Variants in COL19A1 observed in about 807,000 individuals in gnomAD.
COL19A1 encodes the protein collagen type XIX alpha 1 chain.
In COL19A1, 159 loss-of-function variants were observed where a neutral mutation model predicts 190.2. The observed-to-expected ratio is 0.84, with a 90% CI of 0.73 to 0.95. The LOEUF is 0.95. Ranked by LOEUF, COL19A1 falls within the 40% of genes least tolerant of loss-of-function variation. The pLI is 0.00. For synonymous variants in COL19A1, 509 were observed against 458.9 expected, an observed-to-expected ratio of 1.11 and a Z score of -1.39; for missense variants, 1,418 against 1,431.9, an observed-to-expected ratio of 0.99 and a Z score of 0.16.
intron 4 of COL19A1, among the ~76,000 whole-genome samples, chr6:69,901,861 T>C (rs569538693): frequency 2.0e-5 from 3 of 152,374 alleles, no homozygotes; most frequent in Admixed American, 6.5e-5. Context: ...TTAAAATTCA[T>C]TGGATTACAT....
intron 4 of COL19A1, among the ~76,000 whole-genome samples, chr6:69,921,381 T>TATATC (rs1771810894): frequency 1.7e-5 from 2 of 114,852 alleles, no homozygotes; most frequent in African/African-American, 3.9e-5. Context: ...ATATATCATA[T>TATATC]ATATCATATA....
intron 6 of COL19A1, 78 bp downstream of exon 6, chr6:69,929,778 T>C: frequency 2.2e-6 from 3 of 1,357,730 alleles, no homozygotes; most frequent in South Asian, 1.5e-5. Context: ...CATTCTTCTT[T>C]TATTACTGTG....
chr6:70,146,555 A>C, intron 25 of COL19A1, 104 bp from the exon 26 acceptor site: 1 of 773,918 alleles, frequency 1.3e-6, no homozygotes, highest in Non-Finnish European at 1.9e-6. Context: ...AAAAAGATTT[A>C]TTCAAGCAAG....
intron 11 of COL19A1, among the ~76,000 whole-genome samples, chr6:69,989,356 C>T (rs578194531): frequency 1.1e-4 from 17 of 152,116 alleles, no homozygotes; most frequent in Middle Eastern, 3.4e-3. Flanking sequence ...TTTCCTTTTT[C>T]GGAATCCTGT....
intron 11 of COL19A1, among the ~76,000 whole-genome samples, chr6:69,969,414 T>G (rs1172516127): frequency 6.6e-6 from 1 of 152,206 alleles, no homozygotes; most frequent in East Asian, 1.9e-4. Flanking sequence ...AGTGATTTTT[T>G]TTTGTCTTAG....
At chr6:70,066,122 T>C (rs1050973754) in intron 14 of COL19A1, among the ~76,000 whole-genome samples, 2 of 152,146 alleles carry the variant, frequency 1.3e-5, no homozygotes, top group African/African-American at 4.8e-5. Flanking sequence ...GGAATATAAT[T>C]CATGCTGCTA....
At chr6:69,977,003 G>A (rs1044488135) in intron 11 of COL19A1, among the ~76,000 whole-genome samples, 2 of 152,154 alleles carry the variant, frequency 1.3e-5, no homozygotes, top group African/African-American at 4.8e-5. Flanking sequence ...GAGTCAGTGT[G>A]GCGATTCCTC....
At chr6:70,136,992 T>A (rs1353984728) in intron 18 of COL19A1, among the ~76,000 whole-genome samples, 1 of 152,180 alleles carries the variant, frequency 6.6e-6, no homozygotes, top group African/African-American at 2.4e-5. Context: ...TGCACAATGC[T>A]GAGACTCCTC....
intron 27 of COL19A1, among the ~76,000 whole-genome samples, chr6:70,148,139 A>T (rs1428802354): frequency 3.3e-5 from 5 of 152,078 alleles, no homozygotes; most frequent in African/African-American, 9.7e-5. Flanking sequence ...TAGAGGCTTC[A>T]TCATGTCAGC....
intron 4 of COL19A1, among the ~76,000 whole-genome samples, chr6:69,915,220 A>T (rs1771210161): frequency 6.6e-6 from 1 of 152,242 alleles, no homozygotes; most frequent in Non-Finnish European, 1.5e-5. Flanking sequence ...TATGAGCTTC[A>T]TTATTGTCTT....
intron 46 of COL19A1, among the ~76,000 whole-genome samples, chr6:70,187,734 A>T (rs1043618930): frequency 6.6e-6 from 1 of 152,044 alleles, no homozygotes. Flanking sequence ...CCAGACCTCA[A>T]GTGACAGCTG....
chr6:70,062,110 G>C (rs1780872869), intron 14 of COL19A1, among the ~76,000 whole-genome samples: 1 of 151,404 alleles, frequency 6.6e-6, no homozygotes, highest in Non-Finnish European at 1.5e-5. Flanking sequence ...ACATTAAATT[G>C]CTCCCAAAGT....
intron 16 of COL19A1, among the ~76,000 whole-genome samples, chr6:70,117,454 C>A (rs1318861907): frequency 6.6e-6 from 1 of 152,182 alleles, no homozygotes; most frequent in African/African-American, 2.4e-5. Context: ...CATGGTATTT[C>A]TGTTTTCCAC....
At position 69,980,222 on chromosome 6, in the gene COL19A1, A is replaced by G. The variant is rs560653372; in HGVS notation, c.1026+17352A>G. On this transcript the variant is annotated intron_variant, in intron 11 of 50. Coordinates refer to ENST00000620364, the MANE Select transcript of COL19A1 (RefSeq NM_001858.6). Reference sequence around the variant, plus strand: ...ACAAAATAAATATTGCATCATGTAGAATAAAGATAGATAGACTAAACCTGA... The same window carrying G: ...ACAAAATAAATATTGCATCATGTAGGATAAAGATAGATAGACTAAACCTGA... Among the ~76,000 whole-genome samples, 3 of 152,222 alleles carry G rather than the reference A, an allele frequency of 2.0e-5. No individual in the cohort carries two copies. In the East Asian group the frequency reaches 5.8e-4, roughly 29 times the overall value.
At chr6:70,042,762 A>G (rs1463916127) in intron 14 of COL19A1, among the ~76,000 whole-genome samples, 1 of 152,218 alleles carries the variant, frequency 6.6e-6, no homozygotes, top group Non-Finnish European at 1.5e-5. Context: ...AACTAAATAT[A>G]TATAATATTT....
intron 48 of COL19A1, among the ~76,000 whole-genome samples, chr6:70,193,778 T>C (rs1249422460): frequency 6.6e-6 from 1 of 152,220 alleles, no homozygotes; most frequent in Non-Finnish European, 1.5e-5. Flanking sequence ...TTATTTAGCA[T>C]TTAAGTTAAT....
chr6:70,088,588 C>T (rs117053536), intron 15 of COL19A1, among the ~76,000 whole-genome samples: 22 of 152,236 alleles, frequency 1.4e-4, no homozygotes, highest in Middle Eastern at 3.4e-3. Context: ...ACTATGTCCA[C>T]GTTTAATGCA....
intron 4 of COL19A1, among the ~76,000 whole-genome samples, chr6:69,913,452 A>G (rs1035481129): frequency 2.6e-5 from 4 of 152,220 alleles, no homozygotes; most frequent in Non-Finnish European, 4.4e-5. Context: ...TTTTAGATAT[A>G]TGTATGATAA....
intron 14 of COL19A1, among the ~76,000 whole-genome samples, chr6:70,062,892 A>T (rs1246777405): frequency 3.3e-5 from 5 of 152,100 alleles, no homozygotes; most frequent in African/African-American, 1.2e-4. Flanking sequence ...GAAGGCCATT[A>T]CATAATGGTA....
Sources: gnomAD v4.1 joint callset for allele counts (sites outside exome capture counted in the v4.1 genomes callset) on GRCh38, gnomAD v4.1.1 for gene constraint, MANE v1.5 for transcripts, NCBI Gene and HGNC (gene_info 2026-07-23, HGNC 2026-07-21) for gene names.